BMP1: variants seen among roughly 807,000 people sequenced by gnomAD.
BMP1 encodes mammalian tolloid protein.
A neutral mutation model predicts 116.8 loss-of-function variants in BMP1; 63 were observed. The observed-to-expected ratio is 0.54, with a 90% CI of 0.44 to 0.67. The LOEUF is 0.67. Ranked by LOEUF, BMP1 falls within the 30% of genes least tolerant of loss-of-function variation. BMP1 has a pLI of 0.00. For synonymous variants in BMP1, 536 were observed against 533.4 expected, an observed-to-expected ratio of 1.00 and a Z score of -0.07; for missense variants, 1,183 against 1,358.9, an observed-to-expected ratio of 0.87 and a Z score of 2.04.
At chr8:22,186,477 T>G (rs1828773858) in intron 8 of BMP1, among the ~76,000 whole-genome samples, 1 of 152,190 alleles carries the variant, frequency 6.6e-6, no homozygotes, top group African/African-American at 2.4e-5. Context: ...TCTATATATA[T>G]ATTTTTTTGA....
chr8:22,186,344 A>G (rs533378933), intron 8 of BMP1, among the ~76,000 whole-genome samples: 1 of 152,240 alleles, frequency 6.6e-6, no homozygotes, highest in Admixed American at 6.5e-5. Flanking sequence ...CATGTGGAGG[A>G]TTGGAGGAGG....
In BMP1 at chr8:22,187,497, A is replaced by ATTT. The variant is rs768807192; in HGVS notation, c.1078-4529_1078-4527dup. Among the ~76,000 whole-genome samples the ATTT allele has an allele frequency of 2.4e-3, 255 of 104,402 alleles. 5 individuals carry two copies. The highest frequency in any genetic ancestry group is 9.7e-3 in the African/African-American group (228 of 23,420). 68.5% of individuals were successfully genotyped at this position (104,402 alleles called of 152,430 possible). A position where few individuals can be genotyped will look rare whatever the true frequency, so the allele number is the denominator to read the frequency against. ...AGGAGCCCGCCACCACGCCCGGCTA[A>ATTT]TTTTTTTTTTTTTTTTTTTTTTTTT... On this transcript the variant is annotated intron_variant, in intron 8 of 19. Transcript: ENST00000306385.
At chr8:22,175,956 C>A (rs1378161939) in intron 2 of BMP1, among the ~76,000 whole-genome samples, 187 bp from the exon 3 acceptor site, 1 of 152,182 alleles carries the variant, frequency 6.6e-6, no homozygotes, top group Non-Finnish European at 1.5e-5. Context: ...TGAAATTTTT[C>A]ACTGCTCTGC....
At chr8:22,203,595 G>C (rs1262509819) in intron 16 of BMP1, among the ~76,000 whole-genome samples, 1 of 152,152 alleles carries the variant, frequency 6.6e-6, no homozygotes, top group Non-Finnish European at 1.5e-5. Context: ...CTACCTTGCA[G>C]GGTACTAAGC....
Position 22,209,501 on chromosome 8 carries a change from C to T in BMP1, c.2632C>T (p.Gln878Ter). ...VKTKDLYSHA[Q>*]FGDNNYPGGV... ...GACCAAGGACCTTTACTCCCACGCC[C>T]AGTTTGGCGACAACAACTACCCTGG... Residue 878 changes from glutamine (Q) to a stop codon, truncating the protein, a stop_gained, in exon 19 of 20, where the codon CAG becomes TAG. Coordinates refer to ENST00000306385, the MANE Select transcript of BMP1 (RefSeq NM_006129.5). LOFTEE classifies it high-confidence loss of function. 6.8e-6 allele frequency: 11 copies of T among 1,614,248 alleles called. No homozygotes were observed. Among genetic ancestry groups the T allele is most frequent in the South Asian group, 1.1e-5 (1 of 91,086 alleles).
chr8:22,167,110 C>T (rs1474427513), intron 1 of BMP1, among the ~76,000 whole-genome samples: 1 of 152,174 alleles, frequency 6.6e-6, no homozygotes, highest in East Asian at 1.9e-4. Context: ...AATGTGGGCT[C>T]CCTACTCCCT....
At chr8:22,208,766 G>A (rs1829410013) in intron 18 of BMP1, among the ~76,000 whole-genome samples, 1 of 152,184 alleles carries the variant, frequency 6.6e-6, no homozygotes. Context: ...ACCTGTCAGG[G>A]CATCCCCAGA....
chr8:22,174,846 C>T (rs779010733), intron 2 of BMP1, among the ~76,000 whole-genome samples: 33 of 152,054 alleles, frequency 2.2e-4, no homozygotes, highest in Admixed American at 5.9e-4. Flanking sequence ...GTTGGCCAGG[C>T]TGGTCTCGAA....
chr8:22,191,298 C>G (rs990870653), intron 8 of BMP1, among the ~76,000 whole-genome samples: 1 of 152,202 alleles, frequency 6.6e-6, no homozygotes, highest in Non-Finnish European at 1.5e-5. Context: ...GATTCACACC[C>G]AGGCTGTTGT....
In BMP1 at chr8:22,196,886, G is replaced by A. The variant is rs576658080; in HGVS notation, c.1926+46G>A. On this transcript the variant is annotated intron_variant, in intron 14 of 19. Coordinates refer to ENST00000306385, the MANE Select transcript of BMP1 (RefSeq NM_006129.5). ...GAGGTGGGGCAGGAAGCTGTGAGGCGTGGGCATTCAGCTCAGTGCCTGCTT... is the reference window on the plus strand; with the variant it reads ...GAGGTGGGGCAGGAAGCTGTGAGGCATGGGCATTCAGCTCAGTGCCTGCTT... The A allele has an allele frequency of 5.4e-5, 85 of 1,576,298 alleles. 1 individual carries two copies. In the South Asian group the frequency reaches 5.7e-4, roughly 10 times the overall value.
In BMP1 at chr8:22,179,836, G is replaced by A. The variant is rs1254648023; in HGVS notation, c.961+7G>A. 1.2e-6 allele frequency: 2 copies of A among 1,611,638 alleles called. No homozygotes were observed. Among genetic ancestry groups the A allele is most frequent in the Non-Finnish European group, 1.7e-6 (2 of 1,178,374 alleles). ...AAGCTTTACAAGTGCCCAGGTCAGG[G>A]CAGAGAAGGGATGGGTGAGGGCGTG... is the stretch of plus-strand genomic sequence containing the variant. On this transcript the variant is annotated splice_region_variant and intron_variant, in intron 7 of 19. Coordinates refer to ENST00000306385, the MANE Select transcript of BMP1 (RefSeq NM_006129.5). This position sits in a 1 kb window ranked among gnomAD's most constrained non-coding sequence, Gnocchi z 4.6.
At chr8:22,197,186 T>C in intron 14 of BMP1, 54 bp from the exon 15 acceptor site, 1 of 1,574,284 alleles carries the variant, frequency 6.4e-7, no homozygotes, top group Non-Finnish European at 8.7e-7. Flanking sequence ...AGGGCAGGAG[T>C]AGTCAAGAGA....
rs373477422 is a variant in BMP1, at chr8:22,209,737, G to A, written c.2826+42G>A. ...TCGCCCTCCTGGCCCCATGCCCCAC[G>A]CCCCACACTGTCCTCCACCCTTCTC... On this transcript the variant is annotated intron_variant, in intron 19 of 19. Coordinates refer to ENST00000306385, the MANE Select transcript of BMP1 (RefSeq NM_006129.5). The A allele has an allele frequency of 8.3e-5, 124 of 1,490,060 alleles. 1 individual carries two copies. Among genetic ancestry groups the A allele is most frequent in the South Asian group, 4.9e-4 (43 of 87,900 alleles). The allele number at this position is 1,490,060 out of a possible 1,614,324, so 92.3% of individuals were successfully genotyped here.
intron 15 of BMP1, chr8:22,201,373 G>T (rs1829259129): frequency 1.4e-6 from 2 of 1,469,794 alleles, no homozygotes; most frequent in South Asian, 2.8e-5. Context: ...CCCGTCCGCG[G>T]ACCGGGGACC....
Position 22,176,539 on chromosome 8 carries a change from A to T in BMP1, c.440A>T (p.Gln147Leu). 1 of 1,614,158 alleles carries T rather than the reference A, an allele frequency of 6.2e-7. No individual in the cohort carries two copies. Among genetic ancestry groups the T allele is most frequent in the Non-Finnish European group, 8.5e-7 (1 of 1,179,980 alleles). The change falls in exon 4 of 20, where the codon CAG (glutamine) becomes CTG (leucine). Residue 147 changes from glutamine (Q) to leucine (L), a missense_variant. Transcript: ENST00000306385. ...GCTTCCTTCCTCCTGGCAGGTAGCC[A>T]GAGGGCAGTCTTCCGGCAGGCCATG... ...FVIGGNFTGS[Q>L]RAVFRQAMRH... is the part of the protein sequence containing the mutation.
chr8:22,197,523 C>G lies in BMP1; in HGVS notation c.2107+103C>G, dbSNP rs79294899. 2,528 of 1,355,786 alleles carry G rather than the reference C, an allele frequency of 1.9e-3. 43 individuals are homozygous for G. In the African/African-American group the frequency reaches 0.032, roughly 17 times the overall value. 84.0% of individuals were successfully genotyped at this position (1,355,786 alleles called of 1,614,324 possible). On this transcript the variant is annotated intron_variant, in intron 15 of 19. Coordinates refer to ENST00000306385, the MANE Select transcript of BMP1 (RefSeq NM_006129.5). ...CTGTACTCCCCAGCCCTCCCTGGTG[C>G]CAGGCAGGCAGAGTCTGCCCCCTGC... is the stretch of plus-strand genomic sequence containing the variant.
chr8:22,167,326 C>T (rs771351450), intron 1 of BMP1, among the ~76,000 whole-genome samples: 31 of 152,190 alleles, frequency 2.0e-4, no homozygotes, highest in East Asian at 3.8e-4. Context: ...CACCTACAGA[C>T]ATAACCAATA....
At chr8:22,187,002 A>C (rs1474815308) in intron 8 of BMP1, among the ~76,000 whole-genome samples, 5 of 151,810 alleles carry the variant, frequency 3.3e-5, no homozygotes, top group Non-Finnish European at 7.4e-5. Context: ...ATTTTATTTA[A>C]TTATTTTATT....
At position 22,194,295 on chromosome 8, in the gene BMP1, A is replaced by C. The variant is rs931763762; in HGVS notation, c.1297+121A>C. On this transcript the variant is annotated intron_variant, in intron 10 of 19. Coordinates refer to ENST00000306385, the MANE Select transcript of BMP1 (RefSeq NM_006129.5). This position sits in a 1 kb window ranked among gnomAD's most constrained non-coding sequence, Gnocchi z 4.5. ...GTTCCCAAGGGAAGAAGCAGAGAGA[A>C]TGATGGGATTGCCTGGGACTGGGGG... 6.9e-6 allele frequency: 10 copies of C among 1,448,396 alleles called. No individual in the cohort carries two copies. In the African/African-American group the frequency reaches 9.8e-5, roughly 14 times the overall value. The allele number at this position is 1,448,396 out of a possible 1,614,324, so 89.7% of individuals were successfully genotyped here. A position where few individuals can be genotyped will look rare whatever the true frequency, so the allele number is the denominator to read the frequency against.
Sources: gnomAD v4.1 joint callset for allele counts (sites outside exome capture counted in the v4.1 genomes callset) on GRCh38, gnomAD v4.1.1 for gene constraint, Gnocchi (gnomAD v3.1) non-coding constraint, MANE v1.5 for transcripts, NCBI Gene and HGNC (gene_info 2026-07-23, HGNC 2026-07-21) for gene names.